The following MSRA variants were observed in gnomAD, a reference collection of about 807,000 sequenced individuals.
MSRA encodes the protein methionine sulfoxide reductase A, also known as mitochondrial peptide methionine sulfoxide reductase.
MSRA carries 54 observed loss-of-function variants against 31.3 expected under a neutral mutation model. That is an observed-to-expected ratio of 1.73 (90% CI 1.39 to 2.17). The LOEUF is 2.17. Among genes scored for constraint, MSRA ranks in the 30% most tolerant of loss-of-function variants. MSRA has a pLI of 0.00. For missense variants in MSRA, 507 were observed against 300.9 expected, an observed-to-expected ratio of 1.69 and a Z score of -5.07; for synonymous variants, 169 against 116.5, an observed-to-expected ratio of 1.45 and a Z score of -2.90.
At chr8:10,400,151 A>G (rs1047188196) in intron 5 of MSRA, among the ~76,000 whole-genome samples, 2 of 152,070 alleles carry the variant, frequency 1.3e-5, no homozygotes, top group African/African-American at 2.4e-5. Flanking sequence ...AGCTGCAGAG[A>G]CAAAGTCAGA....
At chr8:10,120,983 A>G (rs1013820908) in intron 1 of MSRA, among the ~76,000 whole-genome samples, 1 of 152,266 alleles carries the variant, frequency 6.6e-6, no homozygotes, top group East Asian at 1.9e-4. Flanking sequence ...CCAGTGAAAT[A>G]TAGATGCAAA....
chr8:10,318,682 A>C (rs1801865582), intron 4 of MSRA, among the ~76,000 whole-genome samples: 1 of 152,174 alleles, frequency 6.6e-6, no homozygotes, highest in Non-Finnish European at 1.5e-5. Flanking sequence ...CAATGGGTAG[A>C]CAAGCAGGGC....
chr8:10,248,818 C>T (rs141599514), intron 3 of MSRA, among the ~76,000 whole-genome samples: 9 of 152,246 alleles, frequency 5.9e-5, no homozygotes, highest in East Asian at 1.9e-4. Flanking sequence ...CACTTGCACC[C>T]GACATGCGTA....
intron 1 of MSRA, among the ~76,000 whole-genome samples, chr8:10,121,245 C>T (rs551418038): frequency 7.2e-5 from 11 of 152,140 alleles, no homozygotes; most frequent in Middle Eastern, 3.4e-3. Context: ...GGGGTGGGAG[C>T]CTGAGGACCG....
chr8:10,341,305 G>T (rs1476415158), intron 5 of MSRA, among the ~76,000 whole-genome samples: 1 of 152,152 alleles, frequency 6.6e-6, no homozygotes, highest in Non-Finnish European at 1.5e-5. Context: ...GAAGGTGAAG[G>T]GGGAACAGGC....
intron 5 of MSRA, among the ~76,000 whole-genome samples, chr8:10,399,477 C>T (rs1333465579): frequency 6.6e-6 from 1 of 152,140 alleles, no homozygotes; most frequent in African/African-American, 2.4e-5. Context: ...GGTGTGGTGC[C>T]TCTCCGGTCT....
intron 5 of MSRA, among the ~76,000 whole-genome samples, chr8:10,367,004 G>C (rs1443083449): frequency 6.6e-6 from 1 of 152,160 alleles, no homozygotes; most frequent in Non-Finnish European, 1.5e-5. Flanking sequence ...TCAGTTACCT[G>C]TGGTCAGGTA....
At chr8:10,205,367 A>T (rs1196912231) in intron 1 of MSRA, among the ~76,000 whole-genome samples, 1 of 151,980 alleles carries the variant, frequency 6.6e-6, no homozygotes, top group African/African-American at 2.4e-5. Flanking sequence ...GGCAGATTGG[A>T]TGTGGGGAGT....
intron 5 of MSRA, among the ~76,000 whole-genome samples, chr8:10,327,371 G>A (rs568887549): frequency 1.2e-3 from 185 of 151,998 alleles, no homozygotes; most frequent in Non-Finnish European, 1.2e-3. Flanking sequence ...TCATCTCTGC[G>A]TTTGTTTATA....
At chr8:10,157,776 C>T (rs28685785) in intron 1 of MSRA, among the ~76,000 whole-genome samples, 375 of 152,130 alleles carry the variant, frequency 2.5e-3, no homozygotes, top group African/African-American at 8.8e-3. Context: ...TCTGCCCGCC[C>T]TCTTCTTCTT....
chr8:10,160,684 C>G (rs981256370), intron 1 of MSRA, among the ~76,000 whole-genome samples: 1 of 152,018 alleles, frequency 6.6e-6, no homozygotes, highest in Non-Finnish European at 1.5e-5. Flanking sequence ...TGACTGCTAC[C>G]ACACCTGGCT....
At chr8:10,121,800 A>G (rs1359092959) in intron 1 of MSRA, among the ~76,000 whole-genome samples, 1 of 151,558 alleles carries the variant, frequency 6.6e-6, no homozygotes, top group East Asian at 2.0e-4. Flanking sequence ...CCTCCCAAGT[A>G]GCTGGAACTA....
chr8:10,145,648 C>T (rs986191619), intron 1 of MSRA, among the ~76,000 whole-genome samples: 4 of 152,150 alleles, frequency 2.6e-5, no homozygotes, highest in African/African-American at 9.7e-5. Flanking sequence ...CAAAATCCTT[C>T]AATATAAAAA....
chr8:10,059,959 C>A (rs893647122), intron 1 of MSRA, among the ~76,000 whole-genome samples: 1 of 152,152 alleles, frequency 6.6e-6, no homozygotes, highest in Non-Finnish European at 1.5e-5. Flanking sequence ...TTTGACGATA[C>A]ACTGTGTTGG....
chr8:10,217,240 A>G (rs1159379774), intron 2 of MSRA, among the ~76,000 whole-genome samples: 1 of 152,216 alleles, frequency 6.6e-6, no homozygotes, highest in African/African-American at 2.4e-5. Context: ...TATATGTACT[A>G]CAAGGCATTT....
At chr8:10,082,109 G>A (rs540231649) in intron 1 of MSRA, among the ~76,000 whole-genome samples, 3 of 152,252 alleles carry the variant, frequency 2.0e-5, no homozygotes, top group East Asian at 3.9e-4. Flanking sequence ...AGGAGGCTGA[G>A]GCAGGAAGAT....
chr8:10,183,142 T>G (rs1806692427), intron 1 of MSRA, among the ~76,000 whole-genome samples: 1 of 152,228 alleles, frequency 6.6e-6, no homozygotes, highest in African/African-American at 2.4e-5. Flanking sequence ...ACTTTGTGTT[T>G]GCTCTTAGCT....
chr8:10,327,133 A>G (rs1802408180), intron 5 of MSRA, among the ~76,000 whole-genome samples: 1 of 152,206 alleles, frequency 6.6e-6, no homozygotes, highest in Non-Finnish European at 1.5e-5. Flanking sequence ...ATTTTACAAT[A>G]TATTAAGTTC....
chr8:10,171,368 C>CT (rs5889322), intron 1 of MSRA, among the ~76,000 whole-genome samples: 82,011 of 143,132 alleles, frequency 0.57, 25,903 homozygotes, highest in Non-Finnish European at 0.73. Flanking sequence ...TTAAACTGTA[C>CT]TTTTTTTTTT....
Sources: gnomAD v4.1 joint callset for allele counts (sites outside exome capture counted in the v4.1 genomes callset) on GRCh38, gnomAD v4.1.1 for gene constraint, MANE v1.5 for transcripts, NCBI Gene and HGNC (gene_info 2026-07-23, HGNC 2026-07-21) for gene names.